Variants in RARB observed in about 807,000 individuals in gnomAD.
RARB encodes the protein HBV-activated protein.
RARB carries 17 observed loss-of-function variants against 51.9 expected under a neutral mutation model. The observed-to-expected ratio is 0.33, with a 90% CI of 0.22 to 0.49. The LOEUF is 0.49. RARB is among the 20% of genes least tolerant of loss of function. The probability of loss-of-function intolerance (pLI) is 0.99; values close to 1 mark genes in which losing one functional copy is unlikely to be tolerated. For missense variants in RARB, 369 were observed against 550.8 expected, an observed-to-expected ratio of 0.67 and a Z score of 3.30; for synonymous variants, 215 against 195.4, an observed-to-expected ratio of 1.10 and a Z score of -0.84.
intron 2 of RARB, among the ~76,000 whole-genome samples, chr3:24,958,620 G>A (rs969077424): frequency 6.6e-6 from 1 of 152,158 alleles, no homozygotes; most frequent in African/African-American, 2.4e-5. Flanking sequence ...ATAATGAGGG[G>A]TAAACCTCAT....
chr3:25,052,477 C>T (rs1698351712), intron 2 of RARB, among the ~76,000 whole-genome samples: 1 of 152,076 alleles, frequency 6.6e-6, no homozygotes, highest in Non-Finnish European at 1.5e-5. Flanking sequence ...GCATACTGTA[C>T]TAAAAATTGT....
At chr3:25,492,347 A>G (rs1696782886) in intron 2 of RARB, among the ~76,000 whole-genome samples, 2 of 152,198 alleles carry the variant, frequency 1.3e-5, no homozygotes, top group Non-Finnish European at 2.9e-5. Flanking sequence ...ATTGGTTTCC[A>G]GTTTACGTTA....
At chr3:24,992,003 C>T (rs1045143221) in intron 2 of RARB, among the ~76,000 whole-genome samples, 33 of 152,104 alleles carry the variant, frequency 2.2e-4, no homozygotes, top group Admixed American at 1.4e-3. Flanking sequence ...CCACCCCTTG[C>T]CTGGGTAGTC....
At chr3:25,049,140 A>G (rs1025237413) in intron 2 of RARB, among the ~76,000 whole-genome samples, 1 of 152,186 alleles carries the variant, frequency 6.6e-6, no homozygotes, top group Non-Finnish European at 1.5e-5. Flanking sequence ...GATTTGGAGA[A>G]GTTTTGTGGA....
intron 1 of RARB, among the ~76,000 whole-genome samples, chr3:24,846,506 A>T (rs1261724607): frequency 6.6e-6 from 1 of 152,242 alleles, no homozygotes; most frequent in African/African-American, 2.4e-5. Context: ...ATCTATTTGC[A>T]GAAGGGAATA....
In RARB at chr3:25,450,653, G is replaced by A. The variant is rs145147169; in HGVS notation, c.158-10540G>A. On this transcript the variant is annotated intron_variant, in intron 1 of 7. Coordinates refer to ENST00000330688, the MANE Select transcript of RARB (RefSeq NM_000965.5). ...ATTCTTTGTTGTGTAGGAGGGGCCT[G>A]TCCTGGGCATTGTGAGATGTTTTGT... Among the ~76,000 whole-genome samples the A allele has an allele frequency of 4.6e-5, 7 of 152,274 alleles. No individual in the cohort carries two copies. In the East Asian group the frequency reaches 1.2e-3, roughly 25 times the overall value.
chr3:25,596,591 T>G lies in RARB; in HGVS notation c.1322T>G (p.Val441Gly), dbSNP rs1323613507. 1 of 1,608,956 alleles carries G rather than the reference T, an allele frequency of 6.2e-7. No individual in the cohort carries two copies. Among genetic ancestry groups the G allele is most frequent in the South Asian group, 1.1e-5 (1 of 90,526 alleles). ...ISPSSVENSG[V>G]SQSPLVQ ...CCCAGCTCAGTGGAAAACAGTGGGGTCAGTCAGTCACCACTCGTGCAATAA... is the reference window on the plus strand; with the variant it reads ...CCCAGCTCAGTGGAAAACAGTGGGGGCAGTCAGTCACCACTCGTGCAATAA... Residue 441 changes from valine (V) to glycine (G), a missense_variant, in exon 8 of 8, where the codon GTC becomes GGC. Around this residue, in one of 9 missense-constraint regions of RARB, gnomAD observed 54 missense variants for 43.4 expected, o/e 1.24. Transcript: ENST00000330688.
At chr3:25,583,829 T>C (rs534988339) in intron 5 of RARB, among the ~76,000 whole-genome samples, 8 of 152,342 alleles carry the variant, frequency 5.3e-5, no homozygotes, top group African/African-American at 1.9e-4. Context: ...AATGTCTCTA[T>C]TAAGACAGGC....
intron 2 of RARB, among the ~76,000 whole-genome samples, chr3:24,992,470 A>G (rs1696933636): frequency 6.6e-6 from 1 of 152,160 alleles, no homozygotes; most frequent in Non-Finnish European, 1.5e-5. Context: ...AATTTGGTGG[A>G]TGTTTCTCCT....
At chr3:25,588,316 G>T (rs1230768376) in intron 5 of RARB, among the ~76,000 whole-genome samples, 1 of 152,188 alleles carries the variant, frequency 6.6e-6, no homozygotes, top group Non-Finnish European at 1.5e-5. Context: ...AAACTAACTT[G>T]TAGGAATATA....
chr3:25,411,470 A>G lies in RARB; in HGVS notation c.179-49723A>G, dbSNP rs114767366. ...AAAATAGTATGTGGGGGTATGTAAG[A>G]AGAAATTAGGCTCTAGGCTCAGATT... On this transcript the variant is annotated intron_variant, in intron 5 of 11. Transcript: ENST00000383772. 4.4e-3 allele frequency among the ~76,000 whole-genome samples: 677 copies of G among 152,360 alleles called. 7 individuals carry two copies. The highest frequency in any genetic ancestry group is 0.016 in the African/African-American group (654 of 41,580).
intron 5 of RARB, among the ~76,000 whole-genome samples, chr3:25,204,982 G>A (rs1254854766): frequency 6.6e-6 from 1 of 152,174 alleles, no homozygotes; most frequent in East Asian, 1.9e-4. Context: ...GTCTGCAGAG[G>A]TTTCTGCTGC....
intron 5 of RARB, among the ~76,000 whole-genome samples, chr3:25,352,669 C>T (rs758807648): frequency 3.3e-5 from 5 of 152,174 alleles, no homozygotes; most frequent in Non-Finnish European, 7.3e-5. Context: ...GGACCTATAT[C>T]ATGTCAGCAG....
chr3:25,060,804 G>A (rs966883338), intron 3 of RARB, among the ~76,000 whole-genome samples: 1 of 151,858 alleles, frequency 6.6e-6, no homozygotes, highest in Non-Finnish European at 1.5e-5. Flanking sequence ...TGAGTAGAGT[G>A]TGAGTACTGA....
intron 2 of RARB, among the ~76,000 whole-genome samples, chr3:24,889,537 T>A (rs1450419034): frequency 2.0e-5 from 3 of 152,176 alleles, no homozygotes; most frequent in African/African-American, 7.2e-5. Context: ...ATGGTACACA[T>A]CTTTGCCAAT....
chr3:24,933,587 C>T (rs1300432123), intron 2 of RARB, among the ~76,000 whole-genome samples: 1 of 152,078 alleles, frequency 6.6e-6, no homozygotes, highest in East Asian at 1.9e-4. Flanking sequence ...AATGAGGACT[C>T]TACAGCTAAG....
chr3:25,212,485 G>A (rs1230230293), intron 5 of RARB, among the ~76,000 whole-genome samples: 2 of 152,158 alleles, frequency 1.3e-5, no homozygotes, highest in Non-Finnish European at 2.9e-5. Flanking sequence ...AAGCATGGTG[G>A]CACATGCCTG....
At chr3:24,831,043 A>G (rs950351278) in intron 1 of RARB, among the ~76,000 whole-genome samples, 2 of 152,144 alleles carry the variant, frequency 1.3e-5, no homozygotes, top group African/African-American at 4.8e-5. Flanking sequence ...GGTTTTAGAT[A>G]GCCTCCTTTG....
chr3:25,211,780 G>A (rs922438764), intron 5 of RARB, among the ~76,000 whole-genome samples: 5 of 152,130 alleles, frequency 3.3e-5, no homozygotes, highest in African/African-American at 1.2e-4. Context: ...ATGTACATCT[G>A]TGTTCTAGCA....
Sources: allele counts gnomAD v4.1 joint callset (sites outside exome capture counted in the v4.1 genomes callset), GRCh38; gene constraint gnomAD v4.1.1; regional missense constraint gnomAD v4.1.1; transcripts MANE v1.5; gene names NCBI Gene and HGNC (gene_info 2026-07-23, HGNC 2026-07-21).